The following OR4S2 variants were observed in gnomAD, a reference collection of about 807,000 sequenced individuals.
OR4S2 encodes the protein olfactory receptor family 4 subfamily S member 2.
OR4S2 carries 16 observed loss-of-function variants against 15.1 expected under a neutral mutation model. The observed-to-expected ratio is 1.06, with a 90% CI of 0.72 to 1.61. The LOEUF (loss-of-function observed/expected upper bound fraction) is 1.61. Among genes scored for constraint, OR4S2 ranks in the 40% most tolerant of loss-of-function variants. OR4S2 has a pLI of 0.00. For synonymous variants in OR4S2, 133 were observed against 136.3 expected (o/e 0.98, Z 0.17); for missense variants, 362 against 379.6 (o/e 0.95, Z 0.38).
At position 55,651,352 on chromosome 11, in the gene OR4S2, G is replaced by T; in HGVS notation, c.449G>T (p.Gly150Val). 6.8e-7 allele frequency: 1 copy of T among 1,480,278 alleles called. No homozygotes were observed. Among genetic ancestry groups the T allele is most frequent in the South Asian group, 1.2e-5 (1 of 84,614 alleles). The allele number at this position is 1,480,278 out of a possible 1,614,324, so 91.7% of individuals were successfully genotyped here. A position where few individuals can be genotyped will look rare whatever the true frequency, so the allele number is the denominator to read the frequency against. Residue 150 changes from glycine to valine, a missense_variant, in exon 2 of 2, where the codon GGG becomes GTG. Physicochemically the swap from Gly to Val is moderately radical, Grantham distance 109. Coordinates refer to ENST00000641692, the MANE Select transcript of OR4S2 (RefSeq NM_001004059.3). ...ATGTTATTAGGGACGTGGGTAGGTGGGTTCTTACACTCCATTATCCAAGTG... is the reference window on the plus strand; with the variant it reads ...ATGTTATTAGGGACGTGGGTAGGTGTGTTCTTACACTCCATTATCCAAGTG... ...NKMLLGTWVG[G>V]FLHSIIQVAL...
In OR4S2 at chr11:55,651,834, A is replaced by G. The variant is rs1339609391; in HGVS notation, c.931A>G (p.Lys311Glu). The change falls in exon 2 of 2, where the codon AAA becomes GAA. Residue 311 changes from lysine (K) to glutamate (E), a missense_variant. Coordinates refer to ENST00000641692, the MANE Select transcript of OR4S2 (RefSeq NM_001004059.3). ...GRNVFLEAKG[K>E] The stretch of plus-strand genomic sequence containing the variant: ...AAATGTTTTCTTGGAGGCTAAAGGG[A>G]AATAGTTGGACTTAATAATTTAAGC... 7.3e-7 allele frequency: 1 copy of G among 1,360,922 alleles called. No homozygotes were observed. The highest frequency in any genetic ancestry group is 2.6e-5 in the East Asian group (1 of 37,882). The allele number at this position is 1,360,922 out of a possible 1,614,324, so 84.3% of individuals were successfully genotyped here.
chr11:55,651,461 C>A lies in OR4S2; in HGVS notation c.558C>A (p.Ala186=), dbSNP rs781138224. ...ATGTTCACCCTGTGTTGAAACTTGC[C>A]TGCACAGAAACATACATTGTTGGTG... ...FCDVHPVLKL[A]CTETYIVGVV... is the part of the protein sequence containing the mutation. Residue 186 remains alanine, a synonymous_variant, in exon 2 of 2, where the codon GCC becomes GCA. Transcript: ENST00000641692. 11 of 1,488,002 alleles carry A rather than the reference C, an allele frequency of 7.4e-6. 1 individual carries two copies. Among genetic ancestry groups the A allele is most frequent in the African/African-American group, 4.1e-5 (3 of 72,704 alleles). 92.2% of individuals were successfully genotyped at this position (1,488,002 alleles called of 1,614,324 possible). A position where few individuals can be genotyped will look rare whatever the true frequency, so the allele number is the denominator to read the frequency against.
At position 55,651,002 on chromosome 11, in the gene OR4S2, C is replaced by T. The variant is rs369216050; in HGVS notation, c.99C>T (p.Tyr33=). Residue 33 remains tyrosine (Y), a synonymous_variant, in exon 2 of 2, where the codon TAC becomes TAT. Coordinates refer to ENST00000641692, the MANE Select transcript of OR4S2 (RefSeq NM_001004059.3). ...GTTTTGTGGTGTTTTCTTTCTTCTA[C>T]ATAATCATTCTTCTGGGAAATCTCC... is the stretch of plus-strand genomic sequence containing the variant. ...KVCFVVFSFF[Y]IIILLGNLLI... 2.7e-6 allele frequency: 4 copies of T among 1,458,624 alleles called. 1 individual carries two copies. Among genetic ancestry groups the T allele is most frequent in the Non-Finnish European group, 3.8e-6 (4 of 1,066,204 alleles). The allele number at this position is 1,458,624 out of a possible 1,614,324, so 90.4% of individuals were successfully genotyped here.
In OR4S2 at chr11:55,652,749, CACAATG is replaced by C. The variant is rs1173082050; in HGVS notation, c.*911_*916del. On this transcript the variant is annotated 3_prime_UTR_variant, in exon 2 of 2. Coordinates refer to ENST00000641692, the MANE Select transcript of OR4S2 (RefSeq NM_001004059.3). The stretch of plus-strand genomic sequence containing the variant: ...TTGCTCAGATGGCTATAACTTCCCC[CACAATG>C]CTAAGTTAACTACTTAGTAACACTG... 1 of 139,164 alleles carries C rather than the reference CACAATG, an allele frequency of 7.2e-6. No homozygotes were observed. The highest frequency in any genetic ancestry group is 1.6e-5 in the Non-Finnish European group (1 of 62,440). The allele number at this position is 139,164 out of a possible 1,614,324, so 8.6% of individuals were successfully genotyped here. A position where few individuals can be genotyped will look rare whatever the true frequency, so the allele number is the denominator to read the frequency against.
rs1858523298 is a variant in OR4S2 at position 55,648,358 on chromosome 11, G to A, written c.-229G>A. On this transcript the variant is annotated 5_prime_UTR_variant, in exon 1 of 2. Transcript: ENST00000641692. ...CCCTGTGAAATGGCAGGTATCATTA[G>A]GTGAGAAAACCAGGAACAACAAAGA... is the stretch of plus-strand genomic sequence containing the variant. The A allele has an allele frequency of 7.3e-6, 1 of 137,502 alleles. No homozygotes were observed. Among genetic ancestry groups the A allele is most frequent in the Non-Finnish European group, 1.6e-5 (1 of 61,900 alleles). The allele number at this position is 137,502 out of a possible 1,614,324, so 8.5% of individuals were successfully genotyped here.
rs1343333362 is a variant in OR4S2, at chr11:55,652,534, C to T, written c.*695C>T. 2.9e-5 allele frequency: 4 copies of T among 139,114 alleles called. 1 individual carries two copies. The highest frequency in any genetic ancestry group is 4.8e-5 in the Non-Finnish European group (3 of 62,514). 8.6% of individuals were successfully genotyped at this position (139,114 alleles called of 1,614,324 possible). On this transcript the variant is annotated 3_prime_UTR_variant, in exon 2 of 2. Coordinates refer to ENST00000641692, the MANE Select transcript of OR4S2 (RefSeq NM_001004059.3). ...TAGCTCAGTCTTTCAAAAGAATAAA[C>T]CTCCAATCTTTTGTGAAGTAATATA... is the stretch of plus-strand genomic sequence containing the variant.
chr11:55,651,701 T>A lies in OR4S2; in HGVS notation c.798T>A (p.Asp266Glu), dbSNP rs1173041896. ...GCCCTGATACGACCTTTTCAGAGGATAAGATGGTGGCTGTATTTTACACCA... is the reference window on the plus strand; with the variant it reads ...GCCCTGATACGACCTTTTCAGAGGAAAAGATGGTGGCTGTATTTTACACCA... ...YMRPDTTFSE[D>E]KMVAVFYTII... is the part of the protein sequence containing the mutation. Residue 266 changes from aspartate to glutamate, a missense_variant, in exon 2 of 2, where the codon GAT becomes GAA. Coordinates refer to ENST00000641692, the MANE Select transcript of OR4S2 (RefSeq NM_001004059.3). 3 of 1,483,580 alleles carry A rather than the reference T, an allele frequency of 2.0e-6. 1 individual carries two copies. The African/African-American group carries it at 4.1e-5, about 20-fold the overall frequency. The allele number at this position is 1,483,580 out of a possible 1,614,324, so 91.9% of individuals were successfully genotyped here. A position where few individuals can be genotyped will look rare whatever the true frequency, so the allele number is the denominator to read the frequency against.
chr11:55,650,897 C>T lies in OR4S2; in HGVS notation c.-7C>T. On this transcript the variant is annotated 5_prime_UTR_variant, in exon 2 of 2. Coordinates refer to ENST00000641692, the MANE Select transcript of OR4S2 (RefSeq NM_001004059.3). ...TTTAATTGTCTCCTAAGAACTTGAC[C>T]CATTCCATGGAAAAAATAAACAACG... is the stretch of plus-strand genomic sequence containing the variant. 1 of 1,237,928 alleles carries T rather than the reference C, an allele frequency of 8.1e-7. No individual in the cohort carries two copies. Among genetic ancestry groups the T allele is most frequent in the South Asian group, 1.3e-5 (1 of 75,306 alleles). The allele number at this position is 1,237,928 out of a possible 1,614,324, so 76.7% of individuals were successfully genotyped here. A position where few individuals can be genotyped will look rare whatever the true frequency, so the allele number is the denominator to read the frequency against.
rs1381458490 is a variant in OR4S2 at position 55,648,370 on chromosome 11, A to G, written c.-217A>G. 7.3e-6 allele frequency: 1 copy of G among 137,832 alleles called. No homozygotes were observed. Among genetic ancestry groups the G allele is most frequent in the Non-Finnish European group, 1.6e-5 (1 of 62,022 alleles). The allele number at this position is 137,832 out of a possible 1,614,324, so 8.5% of individuals were successfully genotyped here. A position where few individuals can be genotyped will look rare whatever the true frequency, so the allele number is the denominator to read the frequency against. The stretch of plus-strand genomic sequence containing the variant: ...GCAGGTATCATTAGGTGAGAAAACC[A>G]GGAACAACAAAGACTCATTTCTACC... On this transcript the variant is annotated 5_prime_UTR_variant, in exon 1 of 2. Coordinates refer to ENST00000641692, the MANE Select transcript of OR4S2 (RefSeq NM_001004059.3).
intron 1 of OR4S2, among the ~76,000 whole-genome samples, chr11:55,649,909 T>TA (rs1336369446): frequency 7.2e-6 from 1 of 139,128 alleles, no homozygotes; most frequent in Non-Finnish European, 1.6e-5. Context: ...TGGAAAATCC[T>TA]AAAGTATTCT....
Position 55,651,215 on chromosome 11 carries a change from CT to C in OR4S2, c.315del (p.Phe105LeufsTer11), listed in dbSNP as rs1858561901. The C allele has an allele frequency of 1.3e-6, 2 of 1,482,946 alleles. 1 individual carries two copies. The highest frequency in any genetic ancestry group is 4.0e-5 in the Admixed American group (2 of 50,152). The allele number at this position is 1,482,946 out of a possible 1,614,324, so 91.9% of individuals were successfully genotyped here. On this transcript the variant is annotated frameshift_variant, in exon 2 of 2. Transcript: ENST00000641692. LOFTEE classifies it high-confidence loss of function. ...CMLQLFGVHF[F>X]GCTEIFILTV... ...TGTTGCAACTGTTTGGAGTACATTT[CT>C]TTGGTTGCACTGAGATCTTCATCCT...
rs1858576694 is a variant in OR4S2 at position 55,652,056 on chromosome 11, T to C, written c.*217T>C. 1 of 288,444 alleles carries C rather than the reference T, an allele frequency of 3.5e-6. No homozygotes were observed. The allele number at this position is 288,444 out of a possible 1,614,324, so 17.9% of individuals were successfully genotyped here. On this transcript the variant is annotated 3_prime_UTR_variant, in exon 2 of 2. Transcript: ENST00000641692. ...TGAAATATCTATGACACAGAAATAT[T>C]ATTAAACTTAGAATCACAAAAGTGC...
chr11:55,652,416 A>T lies in OR4S2; in HGVS notation c.*577A>T, dbSNP rs961565661. Reference sequence around the variant, plus strand: ...CTGCTGACATCTGGGGAGCAGCAAGAGGAAAGGGCCTCATAGTTCACACTG... The same window carrying T: ...CTGCTGACATCTGGGGAGCAGCAAGTGGAAAGGGCCTCATAGTTCACACTG... On this transcript the variant is annotated 3_prime_UTR_variant, in exon 2 of 2. Transcript: ENST00000641692. 1 of 138,128 alleles carries T rather than the reference A, an allele frequency of 7.2e-6. No individual in the cohort carries two copies. Among genetic ancestry groups the T allele is most frequent in the African/African-American group, 2.5e-5 (1 of 39,776 alleles). 8.6% of individuals were successfully genotyped at this position (138,128 alleles called of 1,614,324 possible).
At position 55,651,628 on chromosome 11, in the gene OR4S2, T is replaced by C; in HGVS notation, c.725T>C (p.Ile242Thr). Residue 242 changes from isoleucine (I) to threonine (T), a missense_variant, in exon 2 of 2, where the codon ATT becomes ACT. Coordinates refer to ENST00000641692, the MANE Select transcript of OR4S2 (RefSeq NM_001004059.3). Reference protein sequence around the residue: ...RKALSTCGSHIAMVVIFFGPC... With the variant: ...RKALSTCGSHTAMVVIFFGPC... ...GCCCTCTCCACCTGTGGCTCCCACA[T>C]TGCCATGGTCGTTATCTTTTTCGGC... 1 of 1,491,472 alleles carries C rather than the reference T, an allele frequency of 6.7e-7. No individual in the cohort carries two copies. Among genetic ancestry groups the C allele is most frequent in the African/African-American group, 1.4e-5 (1 of 72,944 alleles). 92.4% of individuals were successfully genotyped at this position (1,491,472 alleles called of 1,614,324 possible).
rs7949664 is a variant in OR4S2 at position 55,651,487 on chromosome 11, T to G, written c.584T>G (p.Val195Gly). ...TGCACAGAAACATACATTGTTGGTGTTGTTGTGACAGCCAACAGTGGTACC... is the reference window on the plus strand; with the variant it reads ...TGCACAGAAACATACATTGTTGGTGGTGTTGTGACAGCCAACAGTGGTACC... ...LACTETYIVGVVVTANSGTIA... is the reference protein window; with the variant it reads ...LACTETYIVGGVVTANSGTIA... The change falls in exon 2 of 2, where the codon GTT (valine) becomes GGT (glycine). Residue 195 changes from valine to glycine, a missense_variant. By Grantham distance (109) the Val-to-Gly change is moderately radical. Transcript: ENST00000641692. The G allele has an allele frequency of 0.073, 107,459 of 1,481,256 alleles. 24,463 individuals carry two copies. Among genetic ancestry groups the G allele is most frequent in the Non-Finnish European group, 0.083 (89,919 of 1,086,850 alleles). The allele number at this position is 1,481,256 out of a possible 1,614,324, so 91.8% of individuals were successfully genotyped here.
At position 55,650,508 on chromosome 11, in the gene OR4S2, T is replaced by A. The variant is rs141661839; in HGVS notation, c.-36-360T>A. ...ATTTGCCAGTAGATAACATAGATGT[T>A]ACCATATCCCAAAATACAGAAGTTG... On this transcript the variant is annotated intron_variant, in intron 1 of 1. Coordinates refer to ENST00000641692, the MANE Select transcript of OR4S2 (RefSeq NM_001004059.3). Among the ~76,000 whole-genome samples the A allele has an allele frequency of 5.1e-3, 707 of 139,038 alleles. 88 individuals carry two copies. Among genetic ancestry groups the A allele is most frequent in the African/African-American group, 0.017 (681 of 40,124 alleles). 91.2% of individuals were successfully genotyped at this position (139,038 alleles called of 152,430 possible).
At chr11:55,648,664 CAG>C (rs1399075387) in intron 1 of OR4S2, 114 bp downstream of exon 1, 1 of 137,426 alleles carries the variant, frequency 7.3e-6, no homozygotes, top group East Asian at 2.4e-4. Context: ...CTCTGAAATA[CAG>C]AGAGAATGAA....
chr11:55,652,324 C>T lies in OR4S2; in HGVS notation c.*485C>T, dbSNP rs1378460802. 7.2e-6 allele frequency: 1 copy of T among 139,660 alleles called. No homozygotes were observed. The highest frequency in any genetic ancestry group is 1.6e-5 in the Non-Finnish European group (1 of 63,298). The allele number at this position is 139,660 out of a possible 1,614,324, so 8.7% of individuals were successfully genotyped here. A position where few individuals can be genotyped will look rare whatever the true frequency, so the allele number is the denominator to read the frequency against. ...ATATATTTCCTTCTAAATAAACAAT[C>T]CTCTACCCTGCTGCCTAGGCTATGT... is the stretch of plus-strand genomic sequence containing the variant. On this transcript the variant is annotated 3_prime_UTR_variant, in exon 2 of 2. Coordinates refer to ENST00000641692, the MANE Select transcript of OR4S2 (RefSeq NM_001004059.3).
chr11:55,650,833 TA>T (rs1486077243), intron 1 of OR4S2, 34 bp from the exon 2 acceptor site: 1 of 757,698 alleles, frequency 1.3e-6, no homozygotes, highest in Non-Finnish European at 2.1e-6. Flanking sequence ...AGAAATAAAA[TA>T]AATACAGTCC....
Sources: allele counts gnomAD v4.1 joint callset (sites outside exome capture counted in the v4.1 genomes callset), GRCh38; gene constraint gnomAD v4.1.1; transcripts MANE v1.5; gene names NCBI Gene and HGNC (gene_info 2026-07-23, HGNC 2026-07-21).